Variants in LINGO2 observed in about 807,000 individuals in gnomAD.
LINGO2 encodes the protein leucine rich repeat and Ig domain containing 2.
A neutral mutation model predicts 30.6 loss-of-function variants in LINGO2; 14 were observed. That is an observed-to-expected ratio of 0.46 (90% CI 0.30 to 0.72). The LOEUF is 0.72. Among genes scored for constraint, LINGO2 ranks in the 30% least tolerant of loss-of-function variants. LINGO2 has a pLI of 0.07. For missense variants in LINGO2, 729 were observed against 751.7 expected, an observed-to-expected ratio of 0.97 and a Z score of 0.35; for synonymous variants, 317 against 288.5, an observed-to-expected ratio of 1.10 and a Z score of -1.00.
At chr9:29,099,412 A>T in the LINGO2 span, among the ~76,000 whole-genome samples, 1 of 152,192 alleles carries the variant, frequency 6.6e-6, no homozygotes, top group African/African-American at 2.4e-5. Context: ...AGCTTCTGCA[A>T]TGCCAAAGAA....
At chr9:28,675,019 ATAT>A (rs1224483212), upstream of LINGO2, among the ~76,000 whole-genome samples, 5 of 152,184 alleles carry the variant, frequency 3.3e-5, no homozygotes, top group African/African-American at 1.2e-4. Flanking sequence ...ATCTTCTGTC[ATAT>A]TATGCTTTTT....
chr9:28,753,297 G>C, the LINGO2 span, among the ~76,000 whole-genome samples: 1 of 151,944 alleles, frequency 6.6e-6, no homozygotes, highest in Non-Finnish European at 1.5e-5. Context: ...ATTTGAAATA[G>C]GGTGGTTTCT....
chr9:28,418,823 A>C (rs897924178), intron 2 of LINGO2, among the ~76,000 whole-genome samples: 2 of 152,022 alleles, frequency 1.3e-5, no homozygotes, highest in Non-Finnish European at 1.5e-5. Context: ...TCAACATTTA[A>C]CATAATCTTT....
chr9:28,177,723 G>A (rs1828787507), intron 4 of LINGO2, among the ~76,000 whole-genome samples: 1 of 152,132 alleles, frequency 6.6e-6, no homozygotes, highest in South Asian at 2.1e-4. Flanking sequence ...AATGGATTCA[G>A]AACTCCAGAG....
At chr9:29,002,585 T>C in the LINGO2 span, among the ~76,000 whole-genome samples, 1 of 152,036 alleles carries the variant, frequency 6.6e-6, no homozygotes, top group African/African-American at 2.4e-5. Context: ...AAATTTAACA[T>C]GTGTTGAACA....
chr9:28,260,326 C>T (rs945051121), intron 4 of LINGO2, among the ~76,000 whole-genome samples: 2 of 151,720 alleles, frequency 1.3e-5, no homozygotes, highest in Admixed American at 6.6e-5. Context: ...CTCTATACCA[C>T]CTGCTAAAGC....
At chr9:29,199,919 G>A in the LINGO2 span, among the ~76,000 whole-genome samples, 1 of 151,670 alleles carries the variant, frequency 6.6e-6, no homozygotes, top group Non-Finnish European at 1.5e-5. Context: ...TTCAGTGAAT[G>A]GTAAACAGGA....
chr9:29,075,928 T>C, the LINGO2 span, among the ~76,000 whole-genome samples: 740 of 152,272 alleles, frequency 4.9e-3, 4 homozygotes, highest in Non-Finnish European at 6.5e-3. Context: ...TGACTGTCAA[T>C]CATGCCGGAA....
At chr9:28,725,080 C>T in the LINGO2 span, among the ~76,000 whole-genome samples, 10 of 151,862 alleles carry the variant, frequency 6.6e-5, no homozygotes, top group South Asian at 2.1e-4. Flanking sequence ...AAATTCAGAG[C>T]GTATTTTTTA....
the LINGO2 span, among the ~76,000 whole-genome samples, chr9:28,688,851 C>T: frequency 6.6e-6 from 1 of 152,144 alleles, no homozygotes; most frequent in Non-Finnish European, 1.5e-5. Context: ...TATCTGTGCA[C>T]ATAACGTCCT....
rs1483485364 is a variant in LINGO2, at chr9:28,260,986, T to G, written c.-87+34222A>C. Among the ~76,000 whole-genome samples the G allele has an allele frequency of 2.6e-5, 4 of 152,018 alleles. No individual in the cohort carries two copies. In the East Asian group the frequency reaches 7.7e-4, roughly 29 times the overall value. On this transcript the variant is annotated intron_variant, in intron 4 of 5. Coordinates refer to ENST00000379992, the Ensembl canonical transcript of LINGO2. ...TTGGTCTGTGTGCTTAAAGATTTAA[T>G]GTACCCGTATAAGATACAAGTAGGA...
intron 2 of LINGO2, among the ~76,000 whole-genome samples, chr9:28,436,333 A>T (rs1823919426): frequency 6.6e-6 from 1 of 152,150 alleles, no homozygotes; most frequent in South Asian, 2.1e-4. Flanking sequence ...CTGAACATAG[A>T]CATATGTCTT....
At chr9:28,118,750 G>A (rs1050715826) in intron 4 of LINGO2, among the ~76,000 whole-genome samples, 1 of 152,110 alleles carries the variant, frequency 6.6e-6, no homozygotes, top group African/African-American at 2.4e-5. Flanking sequence ...CTGTTTTGGA[G>A]ATTTGCTAAT....
chr9:27,976,849 G>A (rs1820619160), intron 5 of LINGO2, among the ~76,000 whole-genome samples: 1 of 152,034 alleles, frequency 6.6e-6, no homozygotes, highest in African/African-American at 2.4e-5. Flanking sequence ...CAGCCTCACT[G>A]GAAAAGAATA....
chr9:29,132,813 C>T, the LINGO2 span, among the ~76,000 whole-genome samples: 1 of 152,162 alleles, frequency 6.6e-6, no homozygotes, highest in Admixed American at 6.6e-5. Flanking sequence ...TAATGCCCTA[C>T]ACATAGAATT....
intron 5 of LINGO2, among the ~76,000 whole-genome samples, chr9:27,991,731 A>T (rs1821408063): frequency 6.6e-6 from 1 of 152,094 alleles, no homozygotes; most frequent in African/African-American, 2.4e-5. Flanking sequence ...TAAGACTCCT[A>T]TGGATAGAAC....
chr9:28,034,668 A>G (rs1043476096), intron 4 of LINGO2, among the ~76,000 whole-genome samples: 3 of 152,222 alleles, frequency 2.0e-5, no homozygotes, highest in Admixed American at 6.5e-5. Flanking sequence ...CTCTCTCAGA[A>G]CAAGTTTTCA....
At chr9:28,600,947 A>T (rs1437399533) in intron 1 of LINGO2, among the ~76,000 whole-genome samples, 1 of 152,220 alleles carries the variant, frequency 6.6e-6, no homozygotes, top group Admixed American at 6.6e-5. Context: ...AATGGAAATA[A>T]GAGAAAAAAA....
chr9:28,386,700 C>T (rs77936156), intron 2 of LINGO2, among the ~76,000 whole-genome samples: 2,024 of 152,180 alleles, frequency 0.013, 49 homozygotes, highest in African/African-American at 0.047. Context: ...TATGGCACTT[C>T]TAATTTTAAA....
Sources: allele counts gnomAD v4.1 joint callset (sites outside exome capture counted in the v4.1 genomes callset), GRCh38; gene constraint gnomAD v4.1.1; transcripts MANE v1.5; gene names NCBI Gene and HGNC (gene_info 2026-07-23, HGNC 2026-07-21).